The following AGO2 variants were observed in gnomAD, a reference collection of about 807,000 sequenced individuals.
AGO2 encodes protein argonaute-2.
AGO2 carries 5 observed loss-of-function variants against 102.3 expected under a neutral mutation model. The ratio of observed to expected loss-of-function variants is 0.05; its 90% CI spans 0.03 to 0.10. The LOEUF (loss-of-function observed/expected upper bound fraction) is 0.10, where lower values mean the gene tolerates loss of function less well. Ranked by LOEUF, AGO2 falls within the 10% of genes least tolerant of loss-of-function variation. The probability of loss-of-function intolerance (pLI) is 1.00; values close to 1 mark genes in which losing one functional copy is unlikely to be tolerated. For missense variants in AGO2, 541 were observed against 1,183.7 expected, an observed-to-expected ratio of 0.46 and a Z score of 7.97; for synonymous variants, 449 against 473.1, an observed-to-expected ratio of 0.95 and a Z score of 0.66.
intron 1 of AGO2, among the ~76,000 whole-genome samples, chr8:140,629,288 GT>G (rs369251514): frequency 2.8e-4 from 43 of 152,214 alleles, no homozygotes; most frequent in African/African-American, 9.6e-4. Context: ...CTTCTCTTCT[GT>G]CCTGGGTCAC....
chr8:140,561,642 G>A (rs1046031391), intron 4 of AGO2, among the ~76,000 whole-genome samples: 8 of 152,316 alleles, frequency 5.3e-5, no homozygotes, highest in African/African-American at 1.9e-4. Flanking sequence ...TCCCATGCCT[G>A]AAGACTGAGA....
intron 1 of AGO2, among the ~76,000 whole-genome samples, chr8:140,633,176 A>G (rs528615345): frequency 1.2e-4 from 19 of 152,084 alleles, no homozygotes; most frequent in Non-Finnish European, 2.4e-4. Context: ...CTCCCAATGT[A>G]ATTTTTCTAT....
At chr8:140,594,131 A>G (rs11997990) in intron 1 of AGO2, among the ~76,000 whole-genome samples, 57,268 of 151,964 alleles carry the variant, frequency 0.38, 11,375 homozygotes, top group African/African-American at 0.49. Flanking sequence ...TCTTCAGAAG[A>G]GGGCAGGGAG....
chr8:140,543,207 C>CAAA (rs1183192003), intron 14 of AGO2, among the ~76,000 whole-genome samples: 9 of 151,210 alleles, frequency 6.0e-5, no homozygotes, highest in East Asian at 3.9e-4. Flanking sequence ...ACAACAACAA[C>CAAA]AAAAAAACGA....
chr8:140,577,797 A>G (rs990708108), intron 2 of AGO2, among the ~76,000 whole-genome samples: 1 of 152,168 alleles, frequency 6.6e-6, no homozygotes, highest in Admixed American at 6.5e-5. Flanking sequence ...ACTACTGGAG[A>G]CACTCCTCTG....
At chr8:140,609,297 A>G (rs1393092349) in intron 1 of AGO2, among the ~76,000 whole-genome samples, 1 of 152,228 alleles carries the variant, frequency 6.6e-6, no homozygotes, top group East Asian at 1.9e-4. Context: ...GAAACGGGGA[A>G]CCTAGGATGG....
rs375303309 is a variant in AGO2 at position 140,535,603 on chromosome 8, C to G, written c.2170-34G>C. 4 of 1,607,514 alleles carry G rather than the reference C, an allele frequency of 2.5e-6. No homozygotes were observed. The African/African-American group carries it at 5.3e-5, about 21-fold the overall frequency. On this transcript the variant is annotated intron_variant, in intron 16 of 18. Coordinates refer to ENST00000220592, the MANE Select transcript of AGO2 (RefSeq NM_012154.5). ...ACACAGGCATCTCGTTAGACACGGCCAGGGACCGGCAGAGCCAAGCAGGCG... is the reference window on the plus strand; with the variant it reads ...ACACAGGCATCTCGTTAGACACGGCGAGGGACCGGCAGAGCCAAGCAGGCG...
rs752781194 is a variant in AGO2 at position 140,523,829 on chromosome 8, A to T, written c.*8215T>A. 3 of 152,184 alleles carry T rather than the reference A, an allele frequency of 2.0e-5. No homozygotes were observed. Among genetic ancestry groups the T allele is most frequent in the Non-Finnish European group, 4.4e-5 (3 of 68,018 alleles). The allele number at this position is 152,184 out of a possible 1,614,324, so 9.4% of individuals were successfully genotyped here. A position where few individuals can be genotyped will look rare whatever the true frequency, so the allele number is the denominator to read the frequency against. Reference sequence around the variant, plus strand: ...AGGGAGAGGCCATTCCTTGCCTTGCAGGATGGTGGGTTGGGGGAGAAAGAG... The same window carrying T: ...AGGGAGAGGCCATTCCTTGCCTTGCTGGATGGTGGGTTGGGGGAGAAAGAG... On this transcript the variant is annotated 3_prime_UTR_variant, in exon 19 of 19. Transcript: ENST00000220592.
chr8:140,641,915 A>G, the AGO2 span, among the ~76,000 whole-genome samples: 1 of 152,240 alleles, frequency 6.6e-6, no homozygotes, highest in South Asian at 2.1e-4. Context: ...AGTGGCACAT[A>G]CCTATAGTCT....
rs1365796339 is a variant in AGO2 at position 140,551,371 on chromosome 8, G to A, written c.1335C>T (p.Gly445=). The A allele has an allele frequency of 1.3e-6, 2 of 1,599,776 alleles. No individual in the cohort carries two copies. The highest frequency in any genetic ancestry group is 2.3e-5 in the East Asian group (1 of 44,262). ...WDMRNKQFHT[G]IEIKVWAIAC... Reference sequence around the variant, plus strand: ...CAATGGCCCACACCTTGATCTCGATGCCCGTGTGGAACTGCTTGTTCCGCA... The same window carrying A: ...CAATGGCCCACACCTTGATCTCGATACCCGTGTGGAACTGCTTGTTCCGCA... Residue 445 remains glycine, a synonymous_variant, in exon 11 of 19, where the codon GGC becomes GGT. Coordinates refer to ENST00000220592, the MANE Select transcript of AGO2 (RefSeq NM_012154.5).
chr8:140,599,584 T>A (rs2073900803), intron 1 of AGO2, among the ~76,000 whole-genome samples: 1 of 152,172 alleles, frequency 6.6e-6, no homozygotes, highest in Admixed American at 6.5e-5. Context: ...GTCCAGGCCA[T>A]CACCTAAGTG....
chr8:140,591,755 A>G (rs1308178601), intron 1 of AGO2: 1 of 152,216 alleles, frequency 6.6e-6, no homozygotes, highest in African/African-American at 2.4e-5. Context: ...TAAATTATGA[A>G]TACATTTTTC....
chr8:140,547,744 T>C, intron 12 of AGO2, 117 bp from the exon 13 acceptor site: 2 of 1,400,634 alleles, frequency 1.4e-6, no homozygotes, highest in Non-Finnish European at 1.9e-6. Flanking sequence ...CCATGGCAGC[T>C]GTGCTGAGCT....
At chr8:140,535,371 A>G (rs1290709516) in intron 17 of AGO2, 97 bp downstream of exon 17, 4 of 1,308,490 alleles carry the variant, frequency 3.1e-6, no homozygotes, top group Non-Finnish European at 4.4e-6. Flanking sequence ...CCCTCACACC[A>G]CATCCCACGT....
chr8:140,638,939 A>G (rs759652498), upstream of AGO2, among the ~76,000 whole-genome samples: 10 of 152,220 alleles, frequency 6.6e-5, no homozygotes, highest in Middle Eastern at 0.01. Flanking sequence ...GCTGGAGTGC[A>G]GTGGTGCAAT....
chr8:140,610,001 C>T (rs1288524749), intron 1 of AGO2, among the ~76,000 whole-genome samples: 6 of 142,004 alleles, frequency 4.2e-5, no homozygotes, highest in Non-Finnish European at 9.1e-5. Flanking sequence ...CAAAACCAGC[C>T]TGGGAAATAC....
chr8:140,563,986 C>T (rs2073242159), intron 3 of AGO2, among the ~76,000 whole-genome samples: 1 of 152,264 alleles, frequency 6.6e-6, no homozygotes, highest in East Asian at 1.9e-4. Context: ...ACCCTTTCCA[C>T]CTGGGCCTGG....
At chr8:140,558,864 T>A (rs1185169019) in intron 6 of AGO2, among the ~76,000 whole-genome samples, 1 of 152,124 alleles carries the variant, frequency 6.6e-6, no homozygotes, top group African/African-American at 2.4e-5. Context: ...CGGGGTACGG[T>A]GGATGGCCCT....
intron 13 of AGO2, among the ~76,000 whole-genome samples, chr8:140,545,905 C>T (rs1209821036): frequency 1.3e-5 from 2 of 152,188 alleles, no homozygotes; most frequent in African/African-American, 4.8e-5. Flanking sequence ...AGGGAGCCTT[C>T]ATTCCCCAGC....
Sources: allele counts gnomAD v4.1 joint callset (sites outside exome capture counted in the v4.1 genomes callset), GRCh38; gene constraint gnomAD v4.1.1; transcripts MANE v1.5; gene names NCBI Gene and HGNC (gene_info 2026-07-23, HGNC 2026-07-21).